The following C14orf132 variants were observed in gnomAD, a reference collection of about 807,000 sequenced individuals.
The protein encoded by C14orf132 is chromosome 14 open reading frame 132, also known as uncharacterized protein C14orf132.
In C14orf132, 6 loss-of-function variants were observed where a neutral mutation model predicts 5.8. The ratio of observed to expected loss-of-function variants is 1.03; its 90% CI spans 0.57 to 2.04. The LOEUF is 2.04. Ranked by LOEUF, C14orf132 falls within the 30% of genes most tolerant of loss-of-function variation. The pLI, the probability that C14orf132 is intolerant of heterozygous loss-of-function variation, is 0.00. For synonymous variants in C14orf132, 51 were observed against 49.8 expected, an observed-to-expected ratio of 1.02 and a Z score of -0.10; for missense variants, 125 against 115.8, an observed-to-expected ratio of 1.08 and a Z score of -0.37.
At chr14:96,060,779 G>T (rs1451042539) in intron 1 of C14orf132, among the ~76,000 whole-genome samples, 2 of 152,132 alleles carry the variant, frequency 1.3e-5, no homozygotes, top group Admixed American at 6.5e-5. Flanking sequence ...AGCAAATCCA[G>T]CAAACACATC....
chr14:96,068,402 G>A (rs1166564605), intron 1 of C14orf132, among the ~76,000 whole-genome samples: 60 of 152,184 alleles, frequency 3.9e-4, no homozygotes, highest in Admixed American at 3.9e-3. Flanking sequence ...CTTAGGCGGG[G>A]TGCTCCGTGC....
chr14:96,092,638 G>A lies in C14orf132; in HGVS notation c.*5903G>A, dbSNP rs541134970. ...GTTCTGACAAGGGCTCTATATGCTG[G>A]CAGAAGGGAGCTTCCAACCTTTTAA... On this transcript the variant is annotated 3_prime_UTR_variant, in exon 2 of 2. Transcript: ENST00000555004. 3.7e-4 allele frequency: 56 copies of A among 152,314 alleles called. No homozygotes were observed. The highest frequency in any genetic ancestry group is 1.3e-3 in the African/African-American group (54 of 41,572). 9.4% of individuals were successfully genotyped at this position (152,314 alleles called of 1,614,324 possible). A position where few individuals can be genotyped will look rare whatever the true frequency, so the allele number is the denominator to read the frequency against.
At chr14:96,046,153 T>C (rs1482481964) in intron 1 of C14orf132, among the ~76,000 whole-genome samples, 4 of 152,166 alleles carry the variant, frequency 2.6e-5, no homozygotes, top group East Asian at 1.9e-4. Flanking sequence ...AGTCCCAGAA[T>C]GTCATTAACA....
intron 1 of C14orf132, among the ~76,000 whole-genome samples, chr14:96,042,193 C>A (rs1203040082): frequency 6.6e-6 from 1 of 152,064 alleles, no homozygotes; most frequent in Non-Finnish European, 1.5e-5. Context: ...GGAGAGATAT[C>A]GAGATAGCGA....
intron 1 of C14orf132, among the ~76,000 whole-genome samples, chr14:96,044,631 C>T (rs777630373): frequency 2.6e-5 from 4 of 151,906 alleles, no homozygotes; most frequent in Non-Finnish European, 5.9e-5. Flanking sequence ...TCAGCAGGGC[C>T]AAAGTAGTCT....
rs35138535 is a variant in C14orf132, at chr14:96,090,390, C to CAA, written c.*3669_*3670dup. 2,681 of 198,306 alleles carry CAA rather than the reference C, an allele frequency of 0.014. 2 individuals are homozygous for CAA. The highest frequency in any genetic ancestry group is 0.019 in the South Asian group (446 of 22,898). The allele number at this position is 198,306 out of a possible 1,614,324, so 12.3% of individuals were successfully genotyped here. A position where few individuals can be genotyped will look rare whatever the true frequency, so the allele number is the denominator to read the frequency against. ...TGGGCAACAGAACGAGACTCTGTCT[C>CAA]AAAAAAAAAAAAAAAGAAAAGAAAA... is the stretch of plus-strand genomic sequence containing the variant. On this transcript the variant is annotated 3_prime_UTR_variant, in exon 2 of 2. Transcript: ENST00000555004.
Position 96,039,399 on chromosome 14 carries a change from C to G in C14orf132, c.-102C>G, listed in dbSNP as rs1886619604. ...ACAGCCGAGTGCGCCGTGCGGTCTC[C>G]GGACGCTCGCTGCTCAGCCCGATCC... On this transcript the variant is annotated 5_prime_UTR_variant, in exon 1 of 2. Transcript: ENST00000555004. This position sits in a 1 kb window ranked among gnomAD's most constrained non-coding sequence, Gnocchi z 5.3. 2 of 1,241,274 alleles carry G rather than the reference C, an allele frequency of 1.6e-6. No individual in the cohort carries two copies. Among genetic ancestry groups the G allele is most frequent in the Non-Finnish European group, 2.1e-6 (2 of 945,408 alleles). 76.9% of individuals were successfully genotyped at this position (1,241,274 alleles called of 1,614,324 possible). A position where few individuals can be genotyped will look rare whatever the true frequency, so the allele number is the denominator to read the frequency against.
At chr14:96,056,798 A>G (rs1887196996) in intron 1 of C14orf132, among the ~76,000 whole-genome samples, 1 of 152,122 alleles carries the variant, frequency 6.6e-6, no homozygotes, top group South Asian at 2.1e-4. Flanking sequence ...CCCGGTCCAA[A>G]TTCTTTATAG....
At chr14:96,065,639 T>C (rs1887509092) in intron 1 of C14orf132, among the ~76,000 whole-genome samples, 2 of 151,232 alleles carry the variant, frequency 1.3e-5, no homozygotes. Flanking sequence ...TACCTCTGGC[T>C]TCTAGCCTGA....
At chr14:96,053,277 A>G (rs1657837922) in intron 1 of C14orf132, among the ~76,000 whole-genome samples, 2 of 152,316 alleles carry the variant, frequency 1.3e-5, no homozygotes, top group South Asian at 2.1e-4. Context: ...TGAGCCAGAC[A>G]CCGTTCTAGG....
In C14orf132 at chr14:96,092,739, C is replaced by T. The variant is rs1228693539; in HGVS notation, c.*6004C>T. 1 of 152,108 alleles carries T rather than the reference C, an allele frequency of 6.6e-6. No individual in the cohort carries two copies. The highest frequency in any genetic ancestry group is 1.5e-5 in the Non-Finnish European group (1 of 68,032). The allele number at this position is 152,108 out of a possible 1,614,324, so 9.4% of individuals were successfully genotyped here. On this transcript the variant is annotated 3_prime_UTR_variant, in exon 2 of 2. Coordinates refer to ENST00000555004, the MANE Select transcript of C14orf132 (RefSeq NM_001252507.3). ...TTTTCAGGAGACAGGGGTCTTGAGC[C>T]CAGGACACCTAACTATCGAGTTTTC... is the stretch of plus-strand genomic sequence containing the variant.
In C14orf132 at chr14:96,086,882, G is replaced by A. The variant is rs547503541; in HGVS notation, c.*147G>A. 22 of 764,184 alleles carry A rather than the reference G, an allele frequency of 2.9e-5. No homozygotes were observed. The South Asian group carries it at 3.8e-4, about 13-fold the overall frequency. 47.3% of individuals were successfully genotyped at this position (764,184 alleles called of 1,614,324 possible). On this transcript the variant is annotated 3_prime_UTR_variant, in exon 2 of 2. Coordinates refer to ENST00000555004, the MANE Select transcript of C14orf132 (RefSeq NM_001252507.3). The stretch of plus-strand genomic sequence containing the variant: ...TCTGGAATTTCTCCCCAGCAGCCCT[G>A]ATTTCAAATATCCCATGTTGTGGTC...
At chr14:96,053,255 A>G (rs2139650687) in intron 1 of C14orf132, among the ~76,000 whole-genome samples, 1 of 152,342 alleles carries the variant, frequency 6.6e-6, no homozygotes, top group South Asian at 2.1e-4. Flanking sequence ...AAGTGTTAAC[A>G]GGCACTGAGG....
chr14:96,046,332 G>A (rs1886830797), intron 1 of C14orf132, among the ~76,000 whole-genome samples: 1 of 152,170 alleles, frequency 6.6e-6, no homozygotes, highest in African/African-American at 2.4e-5. Flanking sequence ...AGGTGTGTGG[G>A]CTGGATTCAT....
chr14:96,051,911 C>G (rs998151759), intron 1 of C14orf132, among the ~76,000 whole-genome samples: 1 of 152,222 alleles, frequency 6.6e-6, no homozygotes, highest in Non-Finnish European at 1.5e-5. Flanking sequence ...TTCCTAGGCA[C>G]GAAGACCTGT....
chr14:96,064,150 A>T (rs1286497106), intron 1 of C14orf132, among the ~76,000 whole-genome samples: 1 of 152,122 alleles, frequency 6.6e-6, no homozygotes, highest in African/African-American at 2.4e-5. Flanking sequence ...TATGGAAAAC[A>T]GTGTGGAGAT....
intron 1 of C14orf132, among the ~76,000 whole-genome samples, chr14:96,071,239 T>C (rs10141319): frequency 0.22 from 33,653 of 152,074 alleles, 4,061 homozygotes; most frequent in Non-Finnish European, 0.27. Context: ...TATAAAGCCA[T>C]GAGATTGTGT....
intron 1 of C14orf132, among the ~76,000 whole-genome samples, chr14:96,056,073 A>G (rs1033726122): frequency 4.6e-5 from 7 of 152,234 alleles, no homozygotes; most frequent in African/African-American, 9.6e-5. Flanking sequence ...CCTGCAAGGG[A>G]CAGGTGCTCA....
chr14:96,044,723 T>C (rs1471371442), intron 1 of C14orf132, among the ~76,000 whole-genome samples: 2 of 152,188 alleles, frequency 1.3e-5, no homozygotes, highest in Non-Finnish European at 2.9e-5. Flanking sequence ...GTCCTTGGCA[T>C]TCCTTGGCTT....
Sources: allele counts gnomAD v4.1 joint callset (sites outside exome capture counted in the v4.1 genomes callset), GRCh38; gene constraint gnomAD v4.1.1; non-coding constraint Gnocchi (gnomAD v3.1); transcripts MANE v1.5; gene names NCBI Gene and HGNC (gene_info 2026-07-23, HGNC 2026-07-21).